The following ATP1A1 variants were observed in gnomAD, a reference collection of about 807,000 sequenced individuals.
ATP1A1 encodes the protein ATPase Na+/K+ transporting subunit alpha 1, also known as sodium/potassium-transporting ATPase subunit alpha-1.
In ATP1A1, 14 loss-of-function variants were observed where a neutral mutation model predicts 114.8. That is an observed-to-expected ratio of 0.12 (90% CI 0.08 to 0.19). The LOEUF (loss-of-function observed/expected upper bound fraction) is 0.19. ATP1A1 is among the 10% of genes least tolerant of loss of function. The pLI is 1.00. For synonymous variants in ATP1A1, 471 were observed against 466.3 expected, an observed-to-expected ratio of 1.01 and a Z score of -0.13; for missense variants, 524 against 1,290.7, an observed-to-expected ratio of 0.41 and a Z score of 9.10.
At position 116,384,241 on chromosome 1, in the gene ATP1A1, C is replaced by T. The variant is rs1018294079; in HGVS notation, c.123+117C>T. On this transcript the variant is annotated intron_variant, in intron 2 of 22. Coordinates refer to ENST00000295598, the MANE Select transcript of ATP1A1 (RefSeq NM_000701.8). The surrounding 1 kb of genome is among the most constrained non-coding windows in gnomAD (Gnocchi z 5.1). ...TATATATTAAAAGAGATCATAGCAG[C>T]TGTACAGATCTCATCTAGTCGTAGA... 4 of 788,956 alleles carry T rather than the reference C, an allele frequency of 5.1e-6. No homozygotes were observed. Among genetic ancestry groups the T allele is most frequent in the Middle Eastern group, 3.2e-4 (1 of 3,096 alleles). The allele number at this position is 788,956 out of a possible 1,614,324, so 48.9% of individuals were successfully genotyped here. A position where few individuals can be genotyped will look rare whatever the true frequency, so the allele number is the denominator to read the frequency against.
At chr1:116,380,043 G>C (rs1651639382) in intron 1 of ATP1A1, among the ~76,000 whole-genome samples, 3 of 152,142 alleles carry the variant, frequency 2.0e-5, no homozygotes, top group Admixed American at 2.0e-4. Context: ...TTTTGTCTGT[G>C]GGCTTTGGAA....
Position 116,384,761 on chromosome 1 carries a change from CTTTGT to C in ATP1A1, c.124-19_124-15del, listed in dbSNP as rs1279636198. 1 of 1,589,388 alleles carries C rather than the reference CTTTGT, an allele frequency of 6.3e-7. No individual in the cohort carries two copies. Among genetic ancestry groups the C allele is most frequent in the Admixed American group, 1.8e-5 (1 of 55,676 alleles). ...TTATACTACACTGTTTAACTATTTT[CTTTGT>C]TTCTGTTTTCCCTTAGGATGATCAT... On this transcript the variant is annotated splice_polypyrimidine_tract_variant and intron_variant, in intron 2 of 22. Coordinates refer to ENST00000295598, the MANE Select transcript of ATP1A1 (RefSeq NM_000701.8). The surrounding 1 kb of genome is among the most constrained non-coding windows in gnomAD (Gnocchi z 5.1).
At position 116,404,544 on chromosome 1, in the gene ATP1A1, C is replaced by A; in HGVS notation, c.*100C>A. 6.7e-7 allele frequency: 1 copy of A among 1,485,550 alleles called. No homozygotes were observed. Among genetic ancestry groups the A allele is most frequent in the Non-Finnish European group, 8.9e-7 (1 of 1,121,738 alleles). The allele number at this position is 1,485,550 out of a possible 1,614,324, so 92.0% of individuals were successfully genotyped here. A position where few individuals can be genotyped will look rare whatever the true frequency, so the allele number is the denominator to read the frequency against. On this transcript the variant is annotated 3_prime_UTR_variant, in exon 23 of 23. Transcript: ENST00000295598. This position sits in a 1 kb window ranked among gnomAD's most constrained non-coding sequence, Gnocchi z 4.8. The stretch of plus-strand genomic sequence containing the variant: ...CAGTCTTGGAGTTTGGAACTCTACC[C>A]TGGTAGGAAAGCACCGCAGCATGTG...
rs75143733 is a variant in ATP1A1 at position 116,374,505 on chromosome 1, G to A, written c.12+982G>A. On this transcript the variant is annotated intron_variant, in intron 1 of 22. Transcript: ENST00000295598. ...CCAAAGGGCGGTCCCTGAAGGAAAC[G>A]AGGGGTCTTGGGGCTGGAGAGCGGC... is the stretch of plus-strand genomic sequence containing the variant. Among the ~76,000 whole-genome samples, 1,436 of 152,296 alleles carry A rather than the reference G, an allele frequency of 9.4e-3. 23 individuals are homozygous for A. The highest frequency in any genetic ancestry group is 0.032 in the African/African-American group (1,333 of 41,562).
intron 18 of ATP1A1, among the ~76,000 whole-genome samples, chr1:116,400,371 A>G (rs1285599770): frequency 6.6e-6 from 1 of 152,140 alleles, no homozygotes; most frequent in Non-Finnish European, 1.5e-5. Flanking sequence ...GCCCTGAGGA[A>G]CTTGGAGCAG....
At chr1:116,392,549 G>A (rs1041609891) in intron 10 of ATP1A1, 17 of 237,780 alleles carry the variant, frequency 7.1e-5, no homozygotes, top group African/African-American at 3.8e-4. Flanking sequence ...GAAATAGACT[G>A]CAGTAGGTTG....
At position 116,401,863 on chromosome 1, in the gene ATP1A1, T is replaced by C. The variant is rs143801319; in HGVS notation, c.2951+208T>C. Reference sequence around the variant, plus strand: ...CCATGATAGCAGCTAGTGTTTAGGATTTGGCCCAAGATAAGATAAAGCCAC... The same window carrying C: ...CCATGATAGCAGCTAGTGTTTAGGACTTGGCCCAAGATAAGATAAAGCCAC... On this transcript the variant is annotated intron_variant, in intron 21 of 22. Coordinates refer to ENST00000295598, the MANE Select transcript of ATP1A1 (RefSeq NM_000701.8). This position sits in a 1 kb window ranked among gnomAD's most constrained non-coding sequence, Gnocchi z 4.7. The C allele has an allele frequency of 2.4e-4, 144 of 601,856 alleles. 1 individual carries two copies. Among genetic ancestry groups the C allele is most frequent in the African/African-American group, 2.3e-3 (124 of 53,890 alleles). 37.3% of individuals were successfully genotyped at this position (601,856 alleles called of 1,614,324 possible).
rs1557796893 is a variant in ATP1A1 at position 116,403,874 on chromosome 1, C to CT, written c.2952-9dup. 4 of 1,610,150 alleles carry CT rather than the reference C, an allele frequency of 2.5e-6. No individual in the cohort carries two copies. Among genetic ancestry groups the CT allele is most frequent in the Non-Finnish European group, 2.5e-6 (3 of 1,177,328 alleles). ...TGTGCATATAAATTGGTACCTTACT[C>CT]TATTTCCAGACCTACCTGGTGGTTC... is the stretch of plus-strand genomic sequence containing the variant. On this transcript the variant is annotated splice_polypyrimidine_tract_variant and intron_variant, in intron 21 of 22. Coordinates refer to ENST00000295598, the MANE Select transcript of ATP1A1 (RefSeq NM_000701.8).
In ATP1A1 at chr1:116,404,732, T is replaced by G; in HGVS notation, c.*288T>G. 8.3e-7 allele frequency: 1 copy of G among 1,201,824 alleles called. No homozygotes were observed. The allele number at this position is 1,201,824 out of a possible 1,614,324, so 74.4% of individuals were successfully genotyped here. A position where few individuals can be genotyped will look rare whatever the true frequency, so the allele number is the denominator to read the frequency against. On this transcript the variant is annotated 3_prime_UTR_variant, in exon 23 of 23. Transcript: ENST00000295598. The surrounding 1 kb of genome is among the most constrained non-coding windows in gnomAD (Gnocchi z 4.8). ...CCGGAAAGACTGAAAGAATACATTT[T>G]ATATCTGGATTTTTACAAATAAAGA...
At chr1:116,390,121 A>C in intron 8 of ATP1A1, 92 bp from the exon 9 acceptor site, 2 of 1,297,134 alleles carry the variant, frequency 1.5e-6, no homozygotes, top group Non-Finnish European at 1.1e-6. Flanking sequence ...ATTTAATTTT[A>C]GACAAATTTC....
At chr1:116,375,117 C>A (rs995095604) in intron 1 of ATP1A1, among the ~76,000 whole-genome samples, 2 of 152,178 alleles carry the variant, frequency 1.3e-5, no homozygotes, top group African/African-American at 4.8e-5. Context: ...TTCTTTGTCT[C>A]TCCTGCCTTA....
chr1:116,404,343 T>C lies in ATP1A1; in HGVS notation c.3044-73T>C, dbSNP rs1397029119. On this transcript the variant is annotated intron_variant, in intron 22 of 22. Coordinates refer to ENST00000295598, the MANE Select transcript of ATP1A1 (RefSeq NM_000701.8). This position sits in a 1 kb window ranked among gnomAD's most constrained non-coding sequence, Gnocchi z 4.8. ...TCATCCTCCGGTTGGTTTTCATCCC[T>C]GTTTCCCTCTGTAATGCTGGAGCGA... 2 of 1,598,620 alleles carry C rather than the reference T, an allele frequency of 1.3e-6. No homozygotes were observed. The highest frequency in any genetic ancestry group is 2.7e-5 in the African/African-American group (2 of 74,526).
chr1:116,399,148 C>T lies in ATP1A1; in HGVS notation c.2448+64C>T, dbSNP rs561313508. The T allele has an allele frequency of 4.4e-6, 7 of 1,600,226 alleles. No individual in the cohort carries two copies. In the African/African-American group the frequency reaches 6.7e-5, roughly 15 times the overall value. ...TGTGAGCTGTGTCTTCATTCACTGG[C>T]ACTATGCTCCCAGCATCCATGAGGC... On this transcript the variant is annotated intron_variant, in intron 17 of 22. Transcript: ENST00000295598. This position sits in a 1 kb window ranked among gnomAD's most constrained non-coding sequence, Gnocchi z 5.0.
chr1:116,388,873 G>T lies in ATP1A1; in HGVS notation c.637-29G>T. The T allele has an allele frequency of 1.2e-6, 2 of 1,613,554 alleles. No individual in the cohort carries two copies. The stretch of plus-strand genomic sequence containing the variant: ...CATGATAAGGCTGGTGTATTCACAT[G>T]ACATTTTTCTTCTTTTCCTCACATA... On this transcript the variant is annotated intron_variant, in intron 6 of 22. Transcript: ENST00000295598. This position sits in a 1 kb window ranked among gnomAD's most constrained non-coding sequence, Gnocchi z 5.6.
chr1:116,389,311 T>C lies in ATP1A1; in HGVS notation c.755-128T>C. The C allele has an allele frequency of 8.0e-7, 1 of 1,242,250 alleles. No individual in the cohort carries two copies. Among genetic ancestry groups the C allele is most frequent in the Non-Finnish European group, 1.1e-6 (1 of 888,254 alleles). The allele number at this position is 1,242,250 out of a possible 1,614,324, so 77.0% of individuals were successfully genotyped here. On this transcript the variant is annotated intron_variant, in intron 7 of 22. Transcript: ENST00000295598. The surrounding 1 kb of genome is among the most constrained non-coding windows in gnomAD (Gnocchi z 6.9). ...CAAACAGCATGTACAGCCAAAGAGC[T>C]GGCCCTTAAAAAGTGCTTTTATCAA...
chr1:116,390,536 GTTT>G (rs79640523), intron 9 of ATP1A1, 125 bp downstream of exon 9: 57 of 694,214 alleles, frequency 8.2e-5, no homozygotes, highest in Non-Finnish European at 1.0e-4. Flanking sequence ...TTTCTTTTTT[GTTT>G]TTTTTTTTTT....
intron 1 of ATP1A1, among the ~76,000 whole-genome samples, chr1:116,374,817 CAG>C (rs1651253251): frequency 6.6e-6 from 1 of 152,128 alleles, no homozygotes; most frequent in African/African-American, 2.4e-5. Context: ...TGGGTGTAGA[CAG>C]AGTGTCGGGA....
At position 116,398,607 on chromosome 1, in the gene ATP1A1, C is replaced by T; in HGVS notation, c.2125-14C>T. The T allele has an allele frequency of 6.2e-7, 1 of 1,611,386 alleles. No homozygotes were observed. The highest frequency in any genetic ancestry group is 8.5e-7 in the Non-Finnish European group (1 of 1,178,330). On this transcript the variant is annotated splice_polypyrimidine_tract_variant and intron_variant, in intron 15 of 22. Coordinates refer to ENST00000295598, the MANE Select transcript of ATP1A1 (RefSeq NM_000701.8). The surrounding 1 kb of genome is among the most constrained non-coding windows in gnomAD (Gnocchi z 6.1). ...AGTGATTGGTATTAACCCGTTTTCC[C>T]TTTTCTGGGGTAGGGTGCTATCGTG...
rs1557785690 is a variant in ATP1A1, at chr1:116,389,804, T to C, written c.1023+97T>C. ...TCTAAGGTATTGCCAACTTATGTTT[T>C]ATTCTGGATGTTTGATATAGTTCTT... is the stretch of plus-strand genomic sequence containing the variant. On this transcript the variant is annotated intron_variant, in intron 8 of 22. Coordinates refer to ENST00000295598, the MANE Select transcript of ATP1A1 (RefSeq NM_000701.8). This position sits in a 1 kb window ranked among gnomAD's most constrained non-coding sequence, Gnocchi z 6.9. The C allele has an allele frequency of 1.3e-6, 2 of 1,498,666 alleles. No individual in the cohort carries two copies. Among genetic ancestry groups the C allele is most frequent in the Admixed American group, 4.0e-5 (2 of 50,166 alleles). 92.8% of individuals were successfully genotyped at this position (1,498,666 alleles called of 1,614,324 possible).
Sources: allele counts gnomAD v4.1 joint callset (sites outside exome capture counted in the v4.1 genomes callset), GRCh38; gene constraint gnomAD v4.1.1; non-coding constraint Gnocchi (gnomAD v3.1); transcripts MANE v1.5; gene names NCBI Gene and HGNC (gene_info 2026-07-23, HGNC 2026-07-21).